The following UCHL3 variants were observed in gnomAD, a reference collection of about 807,000 sequenced individuals.
UCHL3 encodes the protein ubiquitin C-terminal hydrolase L3, also known as ubiquitin carboxyl-terminal hydrolase isozyme L3.
In UCHL3, 22 loss-of-function variants were observed where a neutral mutation model predicts 35.8. That is an observed-to-expected ratio of 0.61 (90% CI 0.44 to 0.88). The LOEUF is 0.88. UCHL3 is among the 40% of genes least tolerant of loss of function. The pLI is 0.00. For synonymous variants in UCHL3, 90 were observed against 92.8 expected, an observed-to-expected ratio of 0.97 and a Z score of 0.17; for missense variants, 229 against 276.9, an observed-to-expected ratio of 0.83 and a Z score of 1.23.
At chr13:75,595,546 G>A (rs970382952) in intron 7 of UCHL3, among the ~76,000 whole-genome samples, 11 of 122,296 alleles carry the variant, frequency 9.0e-5, no homozygotes, top group Non-Finnish European at 1.3e-4. Flanking sequence ...TCAGTGAGCC[G>A]AGATCGTGCC....
intron 3 of UCHL3, among the ~76,000 whole-genome samples, chr13:75,561,874 T>C (rs1476397137): frequency 2.0e-5 from 3 of 150,934 alleles, no homozygotes; most frequent in African/African-American, 7.3e-5. Flanking sequence ...TATACATACG[T>C]ATATACGTAT....
At chr13:75,592,446 A>ATACATATATATATATATATATATATG (rs36133915) in intron 6 of UCHL3, among the ~76,000 whole-genome samples, 7 of 71,084 alleles carry the variant, frequency 9.8e-5, no homozygotes, top group South Asian at 4.5e-4. Context: ...ATATATATAT[A>ATACATATATATATATATATATATATG]TATATATATA....
At position 75,594,901 on chromosome 13, in the gene UCHL3, C is replaced by A; in HGVS notation, c.475-14C>A. On this transcript the variant is annotated splice_polypyrimidine_tract_variant and intron_variant, in intron 6 of 8. Transcript: ENST00000377595. ...ACTAATGTATATAATACCTATTTTT[C>A]CCTCCTATTCCAGGCACCAAGTATA... The A allele has an allele frequency of 6.3e-7, 1 of 1,596,518 alleles. No individual in the cohort carries two copies. The highest frequency in any genetic ancestry group is 8.5e-7 in the Non-Finnish European group (1 of 1,173,458).
intron 6 of UCHL3, among the ~76,000 whole-genome samples, chr13:75,583,722 G>A (rs1250089212): frequency 6.6e-6 from 1 of 152,162 alleles, no homozygotes; most frequent in Admixed American, 6.5e-5. Flanking sequence ...TACATTTATG[G>A]TATGTCTATT....
At chr13:75,556,347 TA>T (rs1222335582) in intron 2 of UCHL3, among the ~76,000 whole-genome samples, 15 of 152,360 alleles carry the variant, frequency 9.8e-5, no homozygotes, top group African/African-American at 2.9e-4. Context: ...CTCATTTAAC[TA>T]ATAGTTATTC....
At position 75,604,752 on chromosome 13, in the gene UCHL3, TTGTC is replaced by T. The variant is rs1292935703; in HGVS notation, c.551-13_551-10del. ...TAAAAACAGCTAAGCATTCAATTGT[TTGTC>T]TGTTTTCCACAGATGGGCGGAAGCC... On this transcript the variant is annotated splice_polypyrimidine_tract_variant and intron_variant, in intron 7 of 8. Coordinates refer to ENST00000377595, the MANE Select transcript of UCHL3 (RefSeq NM_006002.5). 6.3e-7 allele frequency: 1 copy of T among 1,588,282 alleles called. No individual in the cohort carries two copies. Among genetic ancestry groups the T allele is most frequent in the African/African-American group, 1.4e-5 (1 of 73,726 alleles).
intron 6 of UCHL3, among the ~76,000 whole-genome samples, chr13:75,587,583 A>G (rs1221460362): frequency 6.6e-6 from 1 of 152,200 alleles, no homozygotes; most frequent in East Asian, 1.9e-4. Flanking sequence ...AAAGTTATGT[A>G]GAAAAAGGAA....
chr13:75,605,957 G>T lies in UCHL3; in HGVS notation c.*145G>T. On this transcript the variant is annotated 3_prime_UTR_variant, in exon 9 of 9. Transcript: ENST00000377595. The stretch of plus-strand genomic sequence containing the variant: ...AACTTTGCCTTAACCTGTGTTTTAT[G>T]TTATTTTTGCTCCAGGTTAAAGGTG... 1.4e-6 allele frequency: 1 copy of T among 697,528 alleles called. No homozygotes were observed. The highest frequency in any genetic ancestry group is 2.2e-5 in the South Asian group (1 of 45,098). The allele number at this position is 697,528 out of a possible 1,614,324, so 43.2% of individuals were successfully genotyped here. A position where few individuals can be genotyped will look rare whatever the true frequency, so the allele number is the denominator to read the frequency against.
At chr13:75,601,375 G>C (rs139607812) in intron 7 of UCHL3, among the ~76,000 whole-genome samples, 2 of 152,292 alleles carry the variant, frequency 1.3e-5, no homozygotes, top group African/African-American at 4.8e-5. Context: ...AAAAGAAAGA[G>C]TCAAATGTGG....
chr13:75,592,445 T>TAC lies in UCHL3; in HGVS notation c.475-2469_475-2468insCA, dbSNP rs1183572195. On this transcript the variant is annotated intron_variant, in intron 6 of 8. Coordinates refer to ENST00000377595, the MANE Select transcript of UCHL3 (RefSeq NM_006002.5). ...ATATATATATATATATATATATATA[T>TAC]ATATATATATATATATATATATGAA... 2.1e-3 allele frequency among the ~76,000 whole-genome samples: 119 copies of TAC among 55,678 alleles called. 2 individuals are homozygous for TAC. The highest frequency in any genetic ancestry group is 0.02 in the Middle Eastern group (2 of 100). The allele number at this position is 55,678 out of a possible 152,430, so 36.5% of individuals were successfully genotyped here. A position where few individuals can be genotyped will look rare whatever the true frequency, so the allele number is the denominator to read the frequency against.
chr13:75,555,832 A>G (rs779481182), intron 2 of UCHL3, among the ~76,000 whole-genome samples: 2 of 152,174 alleles, frequency 1.3e-5, no homozygotes, highest in African/African-American at 2.4e-5. Context: ...GGGTCAAACA[A>G]TTCTGCCACC....
At chr13:75,572,038 TCC>T (rs1566216916) in intron 6 of UCHL3, among the ~76,000 whole-genome samples, 30 of 126,560 alleles carry the variant, frequency 2.4e-4, no homozygotes, top group African/African-American at 1.2e-3. Flanking sequence ...TACTTTTCCT[TCC>T]TTCCTTCCTT....
chr13:75,584,270 G>T (rs2032263108), intron 6 of UCHL3, among the ~76,000 whole-genome samples: 1 of 152,082 alleles, frequency 6.6e-6, no homozygotes, highest in Non-Finnish European at 1.5e-5. Context: ...CAAGAAACAG[G>T]TCTCAAATGT....
chr13:75,581,336 A>G (rs1225589422), intron 6 of UCHL3, among the ~76,000 whole-genome samples: 3 of 143,682 alleles, frequency 2.1e-5, no homozygotes, highest in African/African-American at 7.7e-5. Flanking sequence ...ACCAAACTAA[A>G]CACTTGATTT....
chr13:75,589,917 TTC>T, intron 6 of UCHL3: 1 of 1,290,982 alleles, frequency 7.7e-7, no homozygotes, highest in Non-Finnish European at 1.0e-6. Context: ...AAGTAAAATA[TTC>T]TCTTTTTTAA....
chr13:75,555,629 T>C (rs186988871), intron 2 of UCHL3, among the ~76,000 whole-genome samples: 240 of 149,448 alleles, frequency 1.6e-3, no homozygotes, highest in African/African-American at 5.6e-3. Flanking sequence ...TAATAATATA[T>C]AAGTAGAAGA....
intron 6 of UCHL3, among the ~76,000 whole-genome samples, chr13:75,583,354 T>C (rs1194796369): frequency 6.6e-6 from 1 of 152,220 alleles, no homozygotes; most frequent in African/African-American, 2.4e-5. Context: ...AGACTCATTA[T>C]CCTTTTCTTA....
At chr13:75,586,281 A>G (rs535698953) in intron 6 of UCHL3, among the ~76,000 whole-genome samples, 1 of 152,196 alleles carries the variant, frequency 6.6e-6, no homozygotes, top group Admixed American at 6.5e-5. Context: ...AGGACATTAC[A>G]TAAGGATAAA....
intron 6 of UCHL3, among the ~76,000 whole-genome samples, chr13:75,583,919 A>G (rs561063545): frequency 3.4e-4 from 52 of 152,194 alleles, no homozygotes; most frequent in African/African-American, 1.2e-3. Flanking sequence ...GCTCATATCC[A>G]CTCTCTGCAG....
Sources: allele counts gnomAD v4.1 joint callset (sites outside exome capture counted in the v4.1 genomes callset), GRCh38; gene constraint gnomAD v4.1.1; transcripts MANE v1.5; gene names NCBI Gene and HGNC (gene_info 2026-07-23, HGNC 2026-07-21).